The following RINT1 variants were observed in gnomAD, a reference collection of about 807,000 sequenced individuals.
RINT1 encodes the protein RAD50 interactor 1, also known as RAD50-interacting protein 1.
A neutral mutation model predicts 97.7 loss-of-function variants in RINT1; 75 were observed. The ratio of observed to expected loss-of-function variants is 0.77; its 90% confidence interval spans 0.64 to 0.93. The LOEUF (loss-of-function observed/expected upper bound fraction) is 0.93. Among genes scored for constraint, RINT1 ranks in the 40% least tolerant of loss-of-function variants. The pLI, the probability that RINT1 is intolerant of heterozygous loss-of-function variation, is 0.00. For synonymous variants in RINT1, 303 were observed against 326.3 expected (o/e 0.93, Z 0.77); for missense variants, 892 against 925.2 (o/e 0.96, Z 0.47).
chr7:105,539,084 C>T (rs1054571188), intron 3 of RINT1, among the ~76,000 whole-genome samples: 3 of 152,204 alleles, frequency 2.0e-5, no homozygotes, highest in Non-Finnish European at 4.4e-5. Context: ...CTTTTACCCA[C>T]TGTAATCAGG....
intron 3 of RINT1, among the ~76,000 whole-genome samples, chr7:105,541,127 C>G (rs546196631): frequency 6.6e-6 from 1 of 150,772 alleles, no homozygotes; most frequent in Non-Finnish European, 1.5e-5. Context: ...TGTGAGTCAC[C>G]GCACCCAGCT....
intron 10 of RINT1, among the ~76,000 whole-genome samples, chr7:105,552,138 T>C (rs1467246267): frequency 6.6e-6 from 1 of 152,194 alleles, no homozygotes; most frequent in Non-Finnish European, 1.5e-5. Flanking sequence ...AAATTCAGTT[T>C]CTATATTGGT....
In RINT1 at chr7:105,546,992, A is replaced by G. The variant is rs1233082375; in HGVS notation, c.598A>G (p.Lys200Glu). ...TLVSMAELDI[K>E]LQESSCTHLL... ...AGTGTCTATGGCAGAACTTGACATT[A>G]AACTTCAGGAATCATCTTGTACTCA... is the stretch of plus-strand genomic sequence containing the variant. The change falls in exon 5 of 15, where the codon AAA becomes GAA. Residue 200 changes from lysine to glutamate, a missense_variant. By Grantham distance (56) the Lys-to-Glu change is moderately conservative. Transcript: ENST00000257700. 6.2e-7 allele frequency: 1 copy of G among 1,613,894 alleles called. No homozygotes were observed. Among genetic ancestry groups the G allele is most frequent in the South Asian group, 1.1e-5 (1 of 91,048 alleles).
chr7:105,565,285 C>G lies in RINT1; in HGVS notation c.1895C>G (p.Ser632Cys), dbSNP rs1470112438. 16 of 1,587,242 alleles carry G rather than the reference C, an allele frequency of 1.0e-5. No homozygotes were observed. Among genetic ancestry groups the G allele is most frequent in the Non-Finnish European group, 1.4e-5 (16 of 1,164,256 alleles). Residue 632 changes from serine to cysteine, a missense_variant, in exon 13 of 15, where the codon TCC becomes TGC. By Grantham distance (112) the Ser-to-Cys change is moderately radical (BLOSUM62 -1). Transcript: ENST00000257700. ...AKLYKKERWLSLPSQSEQAVM... is the reference protein window; with the variant it reads ...AKLYKKERWLCLPSQSEQAVM... The stretch of plus-strand genomic sequence containing the variant: ...AAATGTGTTTTTTCCAGATGGTTGT[C>G]CTTGCCATCTCAGTCAGAGCAGGCA...
intron 3 of RINT1, among the ~76,000 whole-genome samples, chr7:105,538,737 T>C (rs1465356875): frequency 6.6e-6 from 1 of 152,234 alleles, no homozygotes; most frequent in Non-Finnish European, 1.5e-5. Context: ...TTTAGTAGCA[T>C]TGAATTCAGT....
At chr7:105,540,604 GCT>G (rs1790417200) in intron 3 of RINT1, among the ~76,000 whole-genome samples, 1 of 152,048 alleles carries the variant, frequency 6.6e-6, no homozygotes, top group Non-Finnish European at 1.5e-5. Flanking sequence ...CACCATGTTG[GCT>G]AGGCTGGTCT....
intron 10 of RINT1, among the ~76,000 whole-genome samples, chr7:105,554,530 C>G (rs1350122858): frequency 6.6e-6 from 1 of 151,582 alleles, no homozygotes. Flanking sequence ...CCTCCACCTC[C>G]CGGGTTCAAG....
chr7:105,559,684 C>T (rs909277487), intron 11 of RINT1, among the ~76,000 whole-genome samples: 4 of 151,948 alleles, frequency 2.6e-5, no homozygotes, highest in Non-Finnish European at 4.4e-5. Context: ...TGCGCCGTTG[C>T]GCTCCAGCCT....
rs117732387 is a variant in RINT1, at chr7:105,551,717, T to C, written c.1471+10T>C. The C allele has an allele frequency of 5.4e-3, 8,602 of 1,579,480 alleles. 350 individuals carry two copies. The Admixed American group carries it at 0.078, about 14-fold the overall frequency. On this transcript the variant is annotated intron_variant, in intron 10 of 14. Transcript: ENST00000257700. ...CTCTTGGTTATAACTGGTAAGTATG[T>C]CTTTTAAGATATGACTTTGTTTTAA...
Position 105,547,320 on chromosome 7 carries a change from A to C in RINT1, c.826A>C (p.Lys276Gln). 6.2e-7 allele frequency: 1 copy of C among 1,614,144 alleles called. No individual in the cohort carries two copies. Among genetic ancestry groups the C allele is most frequent in the Non-Finnish European group, 8.5e-7 (1 of 1,180,016 alleles). Residue 276 changes from lysine (K) to glutamine (Q), a missense_variant, in exon 6 of 15, where the codon AAA (lysine) becomes CAA (glutamine). Physicochemically the swap from Lys to Gln is moderately conservative, Grantham distance 53. Transcript: ENST00000257700. ...YLETLFCQLL[K>Q]LQTSDELLTE... ...GGAGACACTGTTTTGTCAGCTTTTG[A>C]AACTACAAACCTCGTATCTTTGTTG...
intron 11 of RINT1, among the ~76,000 whole-genome samples, chr7:105,556,155 C>G (rs1461603038): frequency 6.6e-6 from 1 of 150,962 alleles, no homozygotes; most frequent in African/African-American, 2.4e-5. Flanking sequence ...CAACCTCTGT[C>G]TCCTGGGTTC....
Position 105,555,051 on chromosome 7 carries a change from G to C in RINT1, c.1495G>C (p.Ala499Pro). 1 of 1,613,830 alleles carries C rather than the reference G, an allele frequency of 6.2e-7. No homozygotes were observed. Among genetic ancestry groups the C allele is most frequent in the Non-Finnish European group, 8.5e-7 (1 of 1,179,936 alleles). ...ITDRYKNLPT[A>P]SRKLQFLELQ... ...AGACAGGTATAAAAATCTTCCCACA[G>C]CTTCCCGAAAGCTTCAGTTCCTGGA... The change falls in exon 11 of 15, where the codon GCT (alanine) becomes CCT (proline). Residue 499 changes from alanine (A) to proline (P), a missense_variant. Coordinates refer to ENST00000257700, the MANE Select transcript of RINT1 (RefSeq NM_021930.6).
Position 105,563,715 on chromosome 7 carries a change from A to G in RINT1, c.1672-18A>G, listed in dbSNP as rs1218945438. 1.3e-6 allele frequency: 2 copies of G among 1,593,256 alleles called. No homozygotes were observed. The highest frequency in any genetic ancestry group is 3.4e-5 in the Admixed American group (2 of 59,276). On this transcript the variant is annotated intron_variant, in intron 11 of 14. Coordinates refer to ENST00000257700, the MANE Select transcript of RINT1 (RefSeq NM_021930.6). ...AAAAAAAAAGTATGCTAATGTGTTA[A>G]CATGTTTTTGCTTTCAGTTCTTTCT... is the stretch of plus-strand genomic sequence containing the variant.
intron 4 of RINT1, 23 bp downstream of exon 4, chr7:105,542,672 C>G: frequency 1.9e-6 from 3 of 1,607,924 alleles, no homozygotes; most frequent in Non-Finnish European, 2.5e-6. Context: ...TCTTTGTTCT[C>G]ACAATTACTA....
At chr7:105,552,495 T>G (rs1232516100) in intron 10 of RINT1, among the ~76,000 whole-genome samples, 3 of 152,088 alleles carry the variant, frequency 2.0e-5, no homozygotes, top group Non-Finnish European at 4.4e-5. Context: ...GGTTGGTCTT[T>G]AGCCAATCAC....
chr7:105,547,938 G>C (rs1304286034), intron 6 of RINT1, among the ~76,000 whole-genome samples: 2 of 151,648 alleles, frequency 1.3e-5, no homozygotes, highest in African/African-American at 4.8e-5. Context: ...TGTTGGTCAG[G>C]CTGGCCTCGA....
intron 4 of RINT1, among the ~76,000 whole-genome samples, chr7:105,546,126 G>A (rs370394904): frequency 6.6e-6 from 1 of 152,160 alleles, no homozygotes; most frequent in Non-Finnish European, 1.5e-5. Context: ...ACCAAGCCCC[G>A]CCTGGAATTA....
intron 11 of RINT1, 31 bp downstream of exon 11, chr7:105,555,258 A>G: frequency 6.5e-7 from 1 of 1,545,944 alleles, no homozygotes; most frequent in Non-Finnish European, 8.8e-7. Context: ...ATTAAGTAAT[A>G]TATACTAGTT....
chr7:105,551,060 A>T (rs996664039), intron 9 of RINT1, among the ~76,000 whole-genome samples: 16 of 152,194 alleles, frequency 1.1e-4, no homozygotes, highest in African/African-American at 3.6e-4. Flanking sequence ...ATAGGGTCTC[A>T]CTTTGTCACC....
Sources: gnomAD v4.1 joint callset for allele counts (sites outside exome capture counted in the v4.1 genomes callset) on GRCh38, gnomAD v4.1.1 for gene constraint, MANE v1.5 for transcripts, NCBI Gene and HGNC (gene_info 2026-07-23, HGNC 2026-07-21) for gene names.